BANF2: variants seen among roughly 807,000 people sequenced by gnomAD.
The protein encoded by BANF2 is barrier-to-autointegration factor-like protein.
In BANF2, 4 loss-of-function variants were observed where a neutral mutation model predicts 8.0. The ratio of observed to expected loss-of-function variants is 0.50; its 90% CI spans 0.25 to 1.14. The LOEUF is 1.14. Ranked by LOEUF, BANF2 falls within the 50% of genes most tolerant of loss-of-function variation. The pLI is 0.16. For missense variants in BANF2, 96 were observed against 107.5 expected, an observed-to-expected ratio of 0.89 and a Z score of 0.47; for synonymous variants, 50 against 40.6, an observed-to-expected ratio of 1.23 and a Z score of -0.88.
intron 1 of BANF2, among the ~76,000 whole-genome samples, chr20:17,704,896 C>T (rs1272615606): frequency 1.3e-5 from 2 of 152,132 alleles, no homozygotes; most frequent in Non-Finnish European, 2.9e-5. Flanking sequence ...GAAGGAGAGA[C>T]GAACACTCAC....
Position 17,723,852 on chromosome 20 carries a change from G to A in BANF2, c.-4+974G>A, listed in dbSNP as rs147290144. The stretch of plus-strand genomic sequence containing the variant: ...TCTACTAAAAATACAAAAATTAGCC[G>A]GGTGTGGTGGCACACACCTGTAATC... On this transcript the variant is annotated intron_variant, in intron 2 of 3. Coordinates refer to ENST00000246090, the MANE Select transcript of BANF2 (RefSeq NM_178477.5). Among the ~76,000 whole-genome samples the A allele has an allele frequency of 1.6e-3, 243 of 152,204 alleles. 1 individual carries two copies. The highest frequency in any genetic ancestry group is 5.5e-3 in the African/African-American group (228 of 41,534).
At chr20:17,725,552 T>C (rs2037796925) in intron 3 of BANF2, among the ~76,000 whole-genome samples, 1 of 152,206 alleles carries the variant, frequency 6.6e-6, no homozygotes, top group Admixed American at 6.5e-5. Flanking sequence ...AGCCTGGCAA[T>C]GGGCAGGTGA....
intron 1 of BANF2, among the ~76,000 whole-genome samples, chr20:17,705,527 C>T (rs2037469954): frequency 6.6e-6 from 1 of 152,188 alleles, no homozygotes; most frequent in African/African-American, 2.4e-5. Flanking sequence ...ACTTAAAAGG[C>T]TGTCTGGTCT....
chr20:17,714,719 T>C (rs566045462), intron 1 of BANF2, among the ~76,000 whole-genome samples: 2 of 152,332 alleles, frequency 1.3e-5, no homozygotes, highest in Admixed American at 6.5e-5. Flanking sequence ...CTCTTTTGTA[T>C]ATTACAGAAC....
At chr20:17,697,154 G>A (rs1353967537), upstream of BANF2, among the ~76,000 whole-genome samples, 1 of 152,108 alleles carries the variant, frequency 6.6e-6, no homozygotes, top group Non-Finnish European at 1.5e-5. Context: ...GATATCCCTA[G>A]CGAGCCTTCT....
At chr20:17,701,175 G>A (rs1393744113) in intron 1 of BANF2, among the ~76,000 whole-genome samples, 2 of 152,136 alleles carry the variant, frequency 1.3e-5, no homozygotes, top group African/African-American at 2.4e-5. Flanking sequence ...GAACATTTTA[G>A]CCTATGTTAG....
chr20:17,722,799 G>C lies in BANF2; in HGVS notation c.-83G>C. 1 of 984,850 alleles carries C rather than the reference G, an allele frequency of 1.0e-6. No homozygotes were observed. Among genetic ancestry groups the C allele is most frequent in the Non-Finnish European group, 1.2e-6 (1 of 829,434 alleles). 61.0% of individuals were successfully genotyped at this position (984,850 alleles called of 1,614,324 possible). On this transcript the variant is annotated 5_prime_UTR_variant, in exon 2 of 4. Coordinates refer to ENST00000246090, the MANE Select transcript of BANF2 (RefSeq NM_178477.5). ...GCCTTTGGATTCATCTCTTCCGGGAGAGTTCAGTGTCTTCTGAAATGTTAC... is the reference window on the plus strand; with the variant it reads ...GCCTTTGGATTCATCTCTTCCGGGACAGTTCAGTGTCTTCTGAAATGTTAC...
At chr20:17,714,687 G>T (rs771433823) in intron 1 of BANF2, among the ~76,000 whole-genome samples, 12 of 150,236 alleles carry the variant, frequency 8.0e-5, no homozygotes, top group Admixed American at 2.0e-4. Context: ...TTTTTTTTTT[G>T]AAAAAATGGG....
At chr20:17,703,924 T>C (rs753044286) in intron 1 of BANF2, among the ~76,000 whole-genome samples, 6 of 152,072 alleles carry the variant, frequency 3.9e-5, no homozygotes, top group Non-Finnish European at 7.4e-5. Flanking sequence ...ATTTTTGTGT[T>C]TTTAGTAGAG....
intron 3 of BANF2, among the ~76,000 whole-genome samples, chr20:17,729,124 C>T (rs368252243): frequency 1.1e-4 from 16 of 152,250 alleles, no homozygotes; most frequent in African/African-American, 3.4e-4. Context: ...GCGAAAGAGC[C>T]GTAAGGGAGA....
chr20:17,734,516 T>C lies in BANF2; in HGVS notation c.127-1149T>C, dbSNP rs147565253. 7.6e-3 allele frequency among the ~76,000 whole-genome samples: 1,161 copies of C among 152,338 alleles called. 8 individuals are homozygous for C. The highest frequency in any genetic ancestry group is 0.027 in the South Asian group (128 of 4,824). On this transcript the variant is annotated intron_variant, in intron 3 of 3. Transcript: ENST00000246090. ...CTTACTTCAGGTTACATGAGTTGCC[T>C]GAGATCACACAGGTGGTTTGCAAAA...
At chr20:17,727,306 T>C (rs1179423280) in intron 3 of BANF2, among the ~76,000 whole-genome samples, 1 of 152,142 alleles carries the variant, frequency 6.6e-6, no homozygotes, top group Non-Finnish European at 1.5e-5. Flanking sequence ...CTGTCACCTG[T>C]ATCCTTCGCT....
At chr20:17,719,328 C>G (rs1186296887) in intron 1 of BANF2, among the ~76,000 whole-genome samples, 1 of 152,052 alleles carries the variant, frequency 6.6e-6, no homozygotes, top group African/African-American at 2.4e-5. Context: ...GACGGGGTTT[C>G]ACCATGTTGG....
In BANF2 at chr20:17,735,731, A is replaced by C; in HGVS notation, c.193A>C (p.Ile65Leu). ...TGAAGCCGAGTTTCAGAGGTGGCTC[A>C]TTTGCTGTTTTGGTGCCACTGAGTG... ...KNEAEFQRWL[I>L]CCFGATECEA... is the part of the protein sequence containing the mutation. Residue 65 changes from isoleucine (I) to leucine (L), a missense_variant, in exon 4 of 4, where the codon ATT becomes CTT. Transcript: ENST00000246090. The C allele has an allele frequency of 6.2e-7, 1 of 1,613,850 alleles. No homozygotes were observed. Among genetic ancestry groups the C allele is most frequent in the South Asian group, 1.1e-5 (1 of 91,070 alleles).
chr20:17,700,298 C>T (rs1393863563), intron 1 of BANF2, among the ~76,000 whole-genome samples: 1 of 152,190 alleles, frequency 6.6e-6, no homozygotes, highest in Non-Finnish European at 1.5e-5. Context: ...TCCCCTAAGA[C>T]TCGGCTTGCC....
chr20:17,715,499 G>A (rs142940042), intron 1 of BANF2, among the ~76,000 whole-genome samples: 2 of 152,286 alleles, frequency 1.3e-5, no homozygotes, highest in East Asian at 1.9e-4. Context: ...AACAAGGAGC[G>A]GAGAAAGAAA....
At chr20:17,714,501 G>A (rs1420322864) in intron 1 of BANF2, among the ~76,000 whole-genome samples, 4 of 152,298 alleles carry the variant, frequency 2.6e-5, no homozygotes, top group East Asian at 3.9e-4. Flanking sequence ...TATTCACAAA[G>A]GTTGGGAGAC....
chr20:17,734,067 C>T (rs1254254583), intron 3 of BANF2, among the ~76,000 whole-genome samples: 1 of 152,214 alleles, frequency 6.6e-6, no homozygotes, highest in Non-Finnish European at 1.5e-5. Context: ...CTGAGCTCTC[C>T]AGCCTCCACC....
intron 1 of BANF2, among the ~76,000 whole-genome samples, chr20:17,704,797 G>A (rs1600213122): frequency 6.6e-6 from 1 of 152,180 alleles, no homozygotes; most frequent in Non-Finnish European, 1.5e-5. Flanking sequence ...GCTGTATCTA[G>A]GCCCTCAAAT....
Sources: gnomAD v4.1 joint callset for allele counts (sites outside exome capture counted in the v4.1 genomes callset) on GRCh38, gnomAD v4.1.1 for gene constraint, MANE v1.5 for transcripts, NCBI Gene and HGNC (gene_info 2026-07-23, HGNC 2026-07-21) for gene names.